The following CCDC88C variants were observed in gnomAD, a reference collection of about 807,000 sequenced individuals.
The protein encoded by CCDC88C is coiled-coil and HOOK domain protein 88C.
Under a neutral mutation model 198.8 loss-of-function variants are expected in CCDC88C, and 131 were observed. That is an observed-to-expected ratio of 0.66 (90% confidence interval 0.57 to 0.76). The LOEUF (loss-of-function observed/expected upper bound fraction) is 0.76, where lower values mean the gene tolerates loss of function less well. CCDC88C is among the 30% of genes least tolerant of loss of function. CCDC88C has a pLI of 0.00. For synonymous variants in CCDC88C, 1,166 were observed against 1,114.7 expected, an observed-to-expected ratio of 1.05 and a Z score of -0.92; for missense variants, 2,553 against 2,631.6, an observed-to-expected ratio of 0.97 and a Z score of 0.65.
intron 29 of CCDC88C, among the ~76,000 whole-genome samples, chr14:91,277,214 G>C (rs1890003556): frequency 6.6e-6 from 1 of 152,152 alleles, no homozygotes. Flanking sequence ...TTTTTGTAGA[G>C]ATGGTGGCCA....
rs374216789 is a variant in CCDC88C at position 91,352,196 on chromosome 14, T to C, written c.340+7446A>G. Among the ~76,000 whole-genome samples, 6 of 152,302 alleles carry C rather than the reference T, an allele frequency of 3.9e-5. No homozygotes were observed. In the South Asian group the frequency reaches 8.3e-4, roughly 21 times the overall value. On this transcript the variant is annotated intron_variant, in intron 4 of 29. Transcript: ENST00000389857. This position sits in a 1 kb window ranked among gnomAD's most constrained non-coding sequence, Gnocchi z 4.2. ...CAGAGAGTAGGGCTGCTGGAAGCCA[T>C]GGTGTGGCTGTTGCAGCCAGCGGCG...
chr14:91,307,364 C>T (rs539700749), intron 17 of CCDC88C, 138 bp from the exon 18 acceptor site: 36 of 666,800 alleles, frequency 5.4e-5, no homozygotes, highest in African/African-American at 1.8e-4. Context: ...GTAAGCCAGA[C>T]GCGCTCCTTT....
At chr14:91,293,799 T>C (rs1277801783) in intron 23 of CCDC88C, among the ~76,000 whole-genome samples, 1 of 152,134 alleles carries the variant, frequency 6.6e-6, no homozygotes, top group Admixed American at 6.5e-5. Context: ...CAAGCCCACT[T>C]CCCTCCATCC....
rs1311181929 is a variant in CCDC88C at position 91,371,588 on chromosome 14, C to A, written c.271-11877G>T. Reference sequence around the variant, plus strand: ...CTGGGACCAAGACTGCCTCCCACACCCTCCAGTCAGGGGTGGCTCTAGCTG... The same window carrying A: ...CTGGGACCAAGACTGCCTCCCACACACTCCAGTCAGGGGTGGCTCTAGCTG... On this transcript the variant is annotated intron_variant, in intron 3 of 29. Coordinates refer to ENST00000389857, the MANE Select transcript of CCDC88C (RefSeq NM_001080414.4). This position sits in a 1 kb window ranked among gnomAD's most constrained non-coding sequence, Gnocchi z 4.2. 1.3e-5 allele frequency among the ~76,000 whole-genome samples: 2 copies of A among 152,122 alleles called. No individual in the cohort carries two copies. Among genetic ancestry groups the A allele is most frequent in the Non-Finnish European group, 2.9e-5 (2 of 68,000 alleles).
In CCDC88C at chr14:91,308,383, G is replaced by A. The variant is rs1891652686; in HGVS notation, c.2974C>T (p.Leu992=). 5 of 1,613,980 alleles carry A rather than the reference G, an allele frequency of 3.1e-6. No homozygotes were observed. Among genetic ancestry groups the A allele is most frequent in the Non-Finnish European group, 1.7e-6 (2 of 1,179,880 alleles). The change falls in exon 17 of 30, where the codon CTA becomes TTA. Residue 992 remains leucine, a synonymous_variant. Coordinates refer to ENST00000389857, the MANE Select transcript of CCDC88C (RefSeq NM_001080414.4). The part of the protein sequence containing the change: ...LEAQMEEKAS[L]NRQLESELQM... ...AGCTCACTCTCTAACTGGCGATTTA[G>A]GCTCGCTTTCTCTTCCATCTGTGCT...
intron 3 of CCDC88C, among the ~76,000 whole-genome samples, chr14:91,392,908 G>C (rs1163318392): frequency 6.6e-6 from 1 of 152,170 alleles, no homozygotes; most frequent in Non-Finnish European, 1.5e-5. Flanking sequence ...CAGGGCCAGG[G>C]GTGTGATGAC....
chr14:91,392,677 G>A (rs1168602187), intron 3 of CCDC88C, among the ~76,000 whole-genome samples: 4 of 151,826 alleles, frequency 2.6e-5, no homozygotes, highest in African/African-American at 7.3e-5. Context: ...AGTTCTTGAA[G>A]GCAGCACCAG....
At chr14:91,301,297 G>C (rs1221649751) in intron 20 of CCDC88C, among the ~76,000 whole-genome samples, 1 of 152,174 alleles carries the variant, frequency 6.6e-6, no homozygotes, top group Non-Finnish European at 1.5e-5. Context: ...GGAGCCTCCA[G>C]TCATCTGTCC....
intron 4 of CCDC88C, among the ~76,000 whole-genome samples, chr14:91,357,681 C>A (rs1308927726): frequency 1.3e-5 from 2 of 152,258 alleles, no homozygotes; most frequent in Non-Finnish European, 2.9e-5. Flanking sequence ...CCGTAACCAG[C>A]CCCAAATAAA....
intron 15 of CCDC88C, among the ~76,000 whole-genome samples, chr14:91,312,865 A>G (rs1891898361): frequency 6.6e-6 from 1 of 152,372 alleles, no homozygotes; most frequent in African/African-American, 2.4e-5. Flanking sequence ...TGATGAAACG[A>G]AACAACTCAA....
At chr14:91,330,225 G>A (rs899074239) in intron 10 of CCDC88C, among the ~76,000 whole-genome samples, 1 of 152,264 alleles carries the variant, frequency 6.6e-6, no homozygotes, top group Non-Finnish European at 1.5e-5. Context: ...AAGGAAGCCT[G>A]GAGCAGGAGG....
intron 3 of CCDC88C, among the ~76,000 whole-genome samples, chr14:91,401,225 A>AATATATATAATGTATATATTAT (rs1430386424): frequency 2.1e-5 from 3 of 144,042 alleles, no homozygotes; most frequent in Non-Finnish European, 4.5e-5. Flanking sequence ...CCATAGTAAG[A>AATATATATAATGTATATATTAT]ATATATATAT....
chr14:91,336,437 GC>G (rs1596083647), intron 10 of CCDC88C, among the ~76,000 whole-genome samples: 1 of 152,222 alleles, frequency 6.6e-6, no homozygotes, highest in Non-Finnish European at 1.5e-5. Flanking sequence ...CCACTCTGGG[GC>G]TGCATGAGGT....
chr14:91,360,723 G>A (rs916242796), intron 3 of CCDC88C, among the ~76,000 whole-genome samples: 10 of 152,204 alleles, frequency 6.6e-5, no homozygotes, highest in Non-Finnish European at 1.0e-4. Context: ...ATGCCCGCTC[G>A]TCTGGGTACA....
intron 13 of CCDC88C, among the ~76,000 whole-genome samples, chr14:91,318,920 A>AAAG (rs2139816382): frequency 1.4e-5 from 2 of 138,682 alleles, no homozygotes; most frequent in East Asian, 3.9e-4. Flanking sequence ...CTCCGTCCAA[A>AAAG]AAAAAAAAAA....
chr14:91,303,782 T>C lies in CCDC88C; in HGVS notation c.3554A>G (p.Tyr1185Cys), dbSNP rs1005501824. 3 of 1,613,556 alleles carry C rather than the reference T, an allele frequency of 1.9e-6. No individual in the cohort carries two copies. Among genetic ancestry groups the C allele is most frequent in the Non-Finnish European group, 2.5e-6 (3 of 1,179,868 alleles). The change falls in exon 20 of 30, where the codon TAC becomes TGC. Residue 1185 changes from tyrosine (Y) to cysteine (C), a missense_variant. By Grantham distance (194) the Tyr-to-Cys change is radical. Transcript: ENST00000389857. ...GTLHERQSAE[Y>C]EALIRQHSCL... ...GCTGTGCTGGCGGATGAGGGCCTCG[T>C]ACTCGGCCGATTGCCGCTCGTGCAG...
At chr14:91,355,446 C>T (rs899157501) in intron 4 of CCDC88C, among the ~76,000 whole-genome samples, 6 of 152,096 alleles carry the variant, frequency 3.9e-5, no homozygotes, top group Admixed American at 2.6e-4. Flanking sequence ...AGGCCGTGCT[C>T]GGAGAAGCAG....
intron 3 of CCDC88C, among the ~76,000 whole-genome samples, chr14:91,383,405 G>A (rs1000085284): frequency 2.0e-5 from 3 of 152,150 alleles, no homozygotes; most frequent in African/African-American, 4.8e-5. Flanking sequence ...CCACTACTTT[G>A]ATCAAGGCCT....
Position 91,376,165 on chromosome 14 carries a change from A to G in CCDC88C, c.271-16454T>C, listed in dbSNP as rs575398839. Among the ~76,000 whole-genome samples, 66 of 152,012 alleles carry G rather than the reference A, an allele frequency of 4.3e-4. 1 individual carries two copies. In the South Asian group the frequency reaches 0.014, roughly 31 times the overall value. ...CACTCCCGCTGCTGCCCCCCAGGAC[A>G]GGGTGACGATCATAGGTCAGGCTTC... On this transcript the variant is annotated intron_variant, in intron 3 of 29. Coordinates refer to ENST00000389857, the MANE Select transcript of CCDC88C (RefSeq NM_001080414.4).
Sources: gnomAD v4.1 joint callset for allele counts (sites outside exome capture counted in the v4.1 genomes callset) on GRCh38, gnomAD v4.1.1 for gene constraint, Gnocchi (gnomAD v3.1) non-coding constraint, MANE v1.5 for transcripts, NCBI Gene and HGNC (gene_info 2026-07-23, HGNC 2026-07-21) for gene names.